UGT2B7: variants seen among roughly 807,000 people sequenced by gnomAD.
The protein encoded by UGT2B7 is UDP-glucuronosyltransferase 2B7.
A neutral mutation model predicts 51.9 loss-of-function variants in UGT2B7; 51 were observed. The observed-to-expected ratio is 0.98, with a 90% CI of 0.78 to 1.24. The LOEUF is 1.24. Among genes scored for constraint, UGT2B7 ranks in the 50% most tolerant of loss-of-function variants. The pLI is 0.00. For missense variants in UGT2B7, 727 were observed against 628.4 expected (o/e 1.16, Z -1.68); for synonymous variants, 225 against 211.6 (o/e 1.06, Z -0.55).
chr4:69,066,201 GT>G (rs1718480862), intron 1 of UGT2B7, among the ~76,000 whole-genome samples: 1 of 152,144 alleles, frequency 6.6e-6, no homozygotes, highest in Admixed American at 6.5e-5. Context: ...AGGCGTACAT[GT>G]TCCGGTTTGT....
intron 1 of UGT2B7, among the ~76,000 whole-genome samples, chr4:69,077,602 G>A (rs7673111): frequency 0.43 from 64,250 of 150,688 alleles, 15,212 homozygotes; most frequent in African/African-American, 0.64. Flanking sequence ...TGGTGTATAG[G>A]AATGCTTGTG....
At chr4:69,103,647 A>T (rs1322702357) in intron 3 of UGT2B7, among the ~76,000 whole-genome samples, 1 of 152,210 alleles carries the variant, frequency 6.6e-6, no homozygotes, top group East Asian at 1.9e-4. Context: ...AAAATTTTTG[A>T]TAATTAGCTT....
chr4:69,090,727 A>C (rs1426832432), intron 2 of UGT2B7, among the ~76,000 whole-genome samples: 3 of 152,154 alleles, frequency 2.0e-5, no homozygotes, highest in Non-Finnish European at 4.4e-5. Context: ...TCAGGCCATT[A>C]TGATCGCCTG....
intron 1 of UGT2B7, 137 bp downstream of exon 1, chr4:69,097,378 A>T (rs1251472500): frequency 9.4e-7 from 1 of 1,061,034 alleles, no homozygotes; most frequent in African/African-American, 1.6e-5. Flanking sequence ...AAGATGATCT[A>T]TTAATCTCAC....
chr4:69,097,145 G>T lies in UGT2B7; in HGVS notation c.625G>T (p.Glu209Ter). 1 of 1,613,514 alleles carries T rather than the reference G, an allele frequency of 6.2e-7. No individual in the cohort carries two copies. The highest frequency in any genetic ancestry group is 8.5e-7 in the Non-Finnish European group (1 of 1,179,646). Residue 209 changes from glutamate (E) to a stop codon, truncating the protein, a stop_gained, in exon 1 of 6, where the codon GAG becomes TAG. Transcript: ENST00000305231. LOFTEE classifies it high-confidence loss of function. ...ATTAACTGATCAAATGACTTTCATG[G>T]AGAGGGTAAAAAATATGATCTATGT... ...SELTDQMTFM[E>*]RVKNMIYVLY...
At chr4:69,076,544 C>G (rs1302503353) in intron 1 of UGT2B7, among the ~76,000 whole-genome samples, 1 of 152,122 alleles carries the variant, frequency 6.6e-6, no homozygotes, top group Non-Finnish European at 1.5e-5. Flanking sequence ...TGATAATGAG[C>G]TTTTTTTCAT....
intron 1 of UGT2B7, among the ~76,000 whole-genome samples, chr4:69,081,314 A>G (rs1718832077): frequency 6.6e-6 from 1 of 151,960 alleles, no homozygotes; most frequent in African/African-American, 2.4e-5. Context: ...AATGCAAGCC[A>G]CAGCCCTATA....
chr4:69,100,691 G>A (rs1719391062), intron 2 of UGT2B7, among the ~76,000 whole-genome samples: 1 of 151,996 alleles, frequency 6.6e-6, no homozygotes, highest in Non-Finnish European at 1.5e-5. Flanking sequence ...CAAGAAAAGG[G>A]ATGACTAGTA....
At chr4:69,106,433 G>T (rs910322674) in intron 3 of UGT2B7, among the ~76,000 whole-genome samples, 1 of 152,052 alleles carries the variant, frequency 6.6e-6, no homozygotes, top group African/African-American at 2.4e-5. Flanking sequence ...ACATAATTTT[G>T]TTCTTTTTTA....
chr4:69,099,222 C>A (rs1719345921), intron 2 of UGT2B7, among the ~76,000 whole-genome samples: 2 of 125,264 alleles, frequency 1.6e-5, no homozygotes, highest in African/African-American at 3.0e-5. Context: ...GAACAATATG[C>A]AGGAATAGGT....
At chr4:69,097,419 T>C (rs1719277981) in intron 1 of UGT2B7, among the ~76,000 whole-genome samples, 178 bp downstream of exon 1, 2 of 152,022 alleles carry the variant, frequency 1.3e-5, no homozygotes, top group Non-Finnish European at 2.9e-5. Flanking sequence ...AATTACAGGG[T>C]CAGTTAAAAC....
chr4:69,088,623 T>C (rs1254598424), intron 1 of UGT2B7, among the ~76,000 whole-genome samples: 1 of 152,158 alleles, frequency 6.6e-6, no homozygotes, highest in Non-Finnish European at 1.5e-5. Flanking sequence ...GGCCTTCCTT[T>C]GGATTTTGGC....
At chr4:69,069,966 T>A (rs1290751208) in intron 1 of UGT2B7, 1 of 152,120 alleles carries the variant, frequency 6.6e-6, no homozygotes, top group East Asian at 1.9e-4. Flanking sequence ...TATCAAGGTA[T>A]GGAGTAAATT....
chr4:69,057,147 T>G (rs1718223211), intron 1 of UGT2B7, among the ~76,000 whole-genome samples: 1 of 152,230 alleles, frequency 6.6e-6, no homozygotes, highest in Non-Finnish European at 1.5e-5. Context: ...ATGCACCACC[T>G]GCTTGCTCAA....
intron 1 of UGT2B7, among the ~76,000 whole-genome samples, chr4:69,058,755 G>T (rs1014062865): frequency 1.3e-5 from 2 of 152,166 alleles, no homozygotes; most frequent in African/African-American, 4.8e-5. Flanking sequence ...CATTAACGGA[G>T]ATCAGGAGGC....
chr4:69,095,409 T>C (rs11940316), upstream of UGT2B7, among the ~76,000 whole-genome samples: 87,760 of 152,096 alleles, frequency 0.58, 26,334 homozygotes, highest in African/African-American at 0.71. Flanking sequence ...AGTGAAGTCT[T>C]TCAGATCAGC....
intron 1 of UGT2B7, among the ~76,000 whole-genome samples, chr4:69,058,637 C>T (rs1444375353): frequency 4.6e-5 from 7 of 152,194 alleles, no homozygotes; most frequent in Non-Finnish European, 7.3e-5. Flanking sequence ...ATGCTGAACA[C>T]GGCATTTGTA....
intron 1 of UGT2B7, among the ~76,000 whole-genome samples, chr4:69,060,843 A>G (rs2109862554): frequency 6.6e-6 from 1 of 152,286 alleles, no homozygotes; most frequent in East Asian, 1.9e-4. Context: ...AAGGGCTCCT[A>G]TGTGATAATC....
At chr4:69,093,931 G>A (rs1719150844), upstream of UGT2B7, among the ~76,000 whole-genome samples, 1 of 152,116 alleles carries the variant, frequency 6.6e-6, no homozygotes, top group Non-Finnish European at 1.5e-5. Context: ...GTTCATCTTT[G>A]TGAGAGCCAT....
Sources: gnomAD v4.1 joint callset for allele counts (sites outside exome capture counted in the v4.1 genomes callset) on GRCh38, gnomAD v4.1.1 for gene constraint, MANE v1.5 for transcripts, NCBI Gene and HGNC (gene_info 2026-07-23, HGNC 2026-07-21) for gene names.